The following B3GALT1 variants were observed in gnomAD, a reference collection of about 807,000 sequenced individuals.
The protein encoded by B3GALT1 is beta-1,3-galactosyltransferase 1.
A neutral mutation model predicts 23.2 loss-of-function variants in B3GALT1; 10 were observed. That is an observed-to-expected ratio of 0.43 (90% CI 0.27 to 0.73). B3GALT1 has a LOEUF of 0.73. B3GALT1 is among the 30% of genes least tolerant of loss of function. The pLI is 0.21. For synonymous variants in B3GALT1, 156 were observed against 141.5 expected (o/e 1.10, Z -0.73); for missense variants, 299 against 405.4 (o/e 0.74, Z 2.25).
At chr2:167,434,935 G>A (rs1439789815) in intron 1 of B3GALT1, among the ~76,000 whole-genome samples, 1 of 151,996 alleles carries the variant, frequency 6.6e-6, no homozygotes, top group Non-Finnish European at 1.5e-5. Flanking sequence ...TATAGAACTG[G>A]CAATGAAAAT....
chr2:167,638,140 C>T lies in B3GALT1; in HGVS notation c.-409-8769C>T, dbSNP rs185595040. On this transcript the variant is annotated intron_variant, in intron 2 of 4. Transcript: ENST00000392690. The stretch of plus-strand genomic sequence containing the variant: ...CCTGTAGATCTGCTATTGAAGTGAG[C>T]TCATGAATAGAGCAACCCAATGAAT... 7.4e-4 allele frequency among the ~76,000 whole-genome samples: 113 copies of T among 151,980 alleles called. 2 individuals carry two copies. In the Middle Eastern group the frequency reaches 0.017, roughly 23 times the overall value.
chr2:167,323,537 G>T (rs77433170), intron 1 of B3GALT1, among the ~76,000 whole-genome samples: 5,209 of 151,248 alleles, frequency 0.034, 253 homozygotes, highest in African/African-American at 0.11. Context: ...ATACAGAGGG[G>T]ATACTAAGAA....
intron 1 of B3GALT1, among the ~76,000 whole-genome samples, chr2:167,393,912 T>C (rs983566604): frequency 3.3e-5 from 5 of 152,222 alleles, no homozygotes; most frequent in Non-Finnish European, 5.9e-5. Flanking sequence ...TATATTTAAA[T>C]ATAACAATTT....
At position 167,490,557 on chromosome 2, in the gene B3GALT1, A is replaced by C. The variant is rs114825548; in HGVS notation, c.-410+280A>C. On this transcript the variant is annotated intron_variant, in intron 2 of 4. Transcript: ENST00000392690. ...AGAAGCACCATTAGCAGAGATTGCA[A>C]GGTGTTTTGTCAGGCTTCTTGCCAT... Among the ~76,000 whole-genome samples, 486 of 152,364 alleles carry C rather than the reference A, an allele frequency of 3.2e-3. 1 individual carries two copies. Among genetic ancestry groups the C allele is most frequent in the Non-Finnish European group, 5.4e-3 (367 of 68,036 alleles).
At chr2:167,385,987 C>T (rs1252917145) in intron 1 of B3GALT1, among the ~76,000 whole-genome samples, 1 of 152,102 alleles carries the variant, frequency 6.6e-6, no homozygotes, top group East Asian at 1.9e-4. Flanking sequence ...CAAATACTAC[C>T]CAGTTTCTTA....
In B3GALT1 at chr2:167,793,834, A is replaced by G. The variant is rs555410171; in HGVS notation, c.-351-24838A>G. ...TTGCCTTTTGCAAATGTTACAGGCC[A>G]TAGACTGTGTCTCTCTATAAATTCC... is the stretch of plus-strand genomic sequence containing the variant. On this transcript the variant is annotated intron_variant, in intron 3 of 4. Coordinates refer to ENST00000392690, the MANE Select transcript of B3GALT1 (RefSeq NM_020981.4). Among the ~76,000 whole-genome samples, 11 of 152,360 alleles carry G rather than the reference A, an allele frequency of 7.2e-5. No individual in the cohort carries two copies. In the South Asian group the frequency reaches 2.1e-3, roughly 29 times the overall value.
chr2:167,745,984 A>T (rs1043650104), intron 3 of B3GALT1, among the ~76,000 whole-genome samples: 3 of 152,068 alleles, frequency 2.0e-5, no homozygotes, highest in Admixed American at 6.6e-5. Context: ...TCATTTTCTT[A>T]TGTCTACATA....
intron 4 of B3GALT1, among the ~76,000 whole-genome samples, chr2:167,824,518 A>G (rs1689174354): frequency 6.6e-6 from 1 of 152,352 alleles, no homozygotes; most frequent in African/African-American, 2.4e-5. Flanking sequence ...GATTAGGTAC[A>G]GAGTTAAGAG....
chr2:167,666,264 G>C (rs934125262), intron 3 of B3GALT1, among the ~76,000 whole-genome samples: 1 of 152,198 alleles, frequency 6.6e-6, no homozygotes, highest in Non-Finnish European at 1.5e-5. Context: ...GCGGTTTTGA[G>C]TGAGATTCTT....
intron 1 of B3GALT1, among the ~76,000 whole-genome samples, chr2:167,456,706 T>A (rs1559102816): frequency 6.6e-6 from 1 of 152,104 alleles, no homozygotes; most frequent in Non-Finnish European, 1.5e-5. Flanking sequence ...ATTACCAGTT[T>A]ATTATAAAGG....
intron 2 of B3GALT1, among the ~76,000 whole-genome samples, chr2:167,544,345 A>G (rs926971591): frequency 6.6e-6 from 1 of 152,172 alleles, no homozygotes; most frequent in Non-Finnish European, 1.5e-5. Context: ...CCCAGGCCGG[A>G]GTGCAGTGGC....
At chr2:167,461,721 A>G (rs766067646) in intron 1 of B3GALT1, among the ~76,000 whole-genome samples, 1 of 152,124 alleles carries the variant, frequency 6.6e-6, no homozygotes, top group Non-Finnish European at 1.5e-5. Flanking sequence ...ATTCTTTTCT[A>G]TTTGGATTAT....
At chr2:167,675,046 A>G (rs1051533840) in intron 3 of B3GALT1, among the ~76,000 whole-genome samples, 4 of 152,222 alleles carry the variant, frequency 2.6e-5, no homozygotes, top group Non-Finnish European at 5.9e-5. Flanking sequence ...CTTGCCCAGG[A>G]CTGTGGTCTG....
chr2:167,526,097 T>C (rs1683215350), intron 2 of B3GALT1, among the ~76,000 whole-genome samples: 1 of 152,130 alleles, frequency 6.6e-6, no homozygotes, highest in African/African-American at 2.4e-5. Flanking sequence ...TGGAGAATGG[T>C]ATTTATAAAT....
intron 4 of B3GALT1, among the ~76,000 whole-genome samples, chr2:167,829,016 G>A (rs753379852): frequency 2.6e-5 from 4 of 152,108 alleles, no homozygotes; most frequent in Non-Finnish European, 5.9e-5. Context: ...CCAAAAGTAC[G>A]GTCTGGCTTT....
At chr2:167,681,708 T>A (rs2105493274) in intron 3 of B3GALT1, among the ~76,000 whole-genome samples, 1 of 152,326 alleles carries the variant, frequency 6.6e-6, no homozygotes, top group Admixed American at 6.5e-5. Context: ...AATGAGTTCG[T>A]ATATTCTAAA....
At chr2:167,413,211 A>G (rs1235885292) in intron 1 of B3GALT1, among the ~76,000 whole-genome samples, 2 of 152,050 alleles carry the variant, frequency 1.3e-5, no homozygotes, top group Admixed American at 6.6e-5. Flanking sequence ...GGATAGAAAA[A>G]AATGGAGAAC....
In B3GALT1 at chr2:167,701,207, G is replaced by A. The variant is rs547277831; in HGVS notation, c.-352+54241G>A. ...TAAGAGTAGACAGAAATGCAGAAGT[G>A]TCTGGAAGCTGTAGGAGAATGGAGA... On this transcript the variant is annotated intron_variant, in intron 3 of 4. Transcript: ENST00000392690. 3.4e-3 allele frequency among the ~76,000 whole-genome samples: 519 copies of A among 152,192 alleles called. 3 individuals are homozygous for A. Among genetic ancestry groups the A allele is most frequent in the Admixed American group, 6.7e-3 (102 of 15,294 alleles).
At chr2:167,437,741 G>A (rs1321343240) in intron 1 of B3GALT1, among the ~76,000 whole-genome samples, 3 of 152,000 alleles carry the variant, frequency 2.0e-5, no homozygotes, top group African/African-American at 4.8e-5. Flanking sequence ...TCACATATTC[G>A]TTAGCCACAG....
Sources: gnomAD v4.1 joint callset for allele counts (sites outside exome capture counted in the v4.1 genomes callset) on GRCh38, gnomAD v4.1.1 for gene constraint, MANE v1.5 for transcripts, NCBI Gene and HGNC (gene_info 2026-07-23, HGNC 2026-07-21) for gene names.